Variants in HECTD4 observed in about 807,000 individuals in gnomAD.
HECTD4 encodes the protein probable E3 ubiquitin-protein ligase HECTD4.
In HECTD4, 114 loss-of-function variants were observed where a neutral mutation model predicts 471.5. The observed-to-expected ratio is 0.24, with a 90% CI of 0.21 to 0.28. The LOEUF (loss-of-function observed/expected upper bound fraction) is 0.28, where lower values mean the gene tolerates loss of function less well. Ranked by LOEUF, HECTD4 falls within the 10% of genes least tolerant of loss-of-function variation. The pLI, the probability that HECTD4 is intolerant of heterozygous loss-of-function variation, is 1.00. For synonymous variants in HECTD4, 2,012 were observed against 2,256.0 expected, an observed-to-expected ratio of 0.89 and a Z score of 3.07; for missense variants, 3,866 against 5,651.5, an observed-to-expected ratio of 0.68 and a Z score of 10.13.
chr12:112,327,471 C>T (rs1416068380), intron 1 of HECTD4, among the ~76,000 whole-genome samples: 2 of 151,870 alleles, frequency 1.3e-5, no homozygotes, highest in Non-Finnish European at 2.9e-5. Flanking sequence ...ATAAAAATTG[C>T]ATATGCCCTC....
intron 38 of HECTD4, among the ~76,000 whole-genome samples, chr12:112,232,632 A>T (rs916972740): frequency 1.3e-5 from 2 of 152,020 alleles, no homozygotes; most frequent in Non-Finnish European, 2.9e-5. Context: ...ATATTTTTAT[A>T]TTTTTAATAA....
chr12:112,250,129 T>C lies in HECTD4; in HGVS notation c.3950+15A>G. ...TTTCCCATTGGGAAAAGTAAAACACTACACAGCAACATACTTTATACTTGG... is the reference window on the plus strand; with the variant it reads ...TTTCCCATTGGGAAAAGTAAAACACCACACAGCAACATACTTTATACTTGG... On this transcript the variant is annotated intron_variant, in intron 25 of 75. Transcript: ENST00000682272. 1 of 1,585,450 alleles carries C rather than the reference T, an allele frequency of 6.3e-7. No homozygotes were observed. The highest frequency in any genetic ancestry group is 2.2e-5 in the East Asian group (1 of 44,726).
At chr12:112,197,477 A>T (rs2032281070) in intron 55 of HECTD4, among the ~76,000 whole-genome samples, 1 of 152,200 alleles carries the variant, frequency 6.6e-6, no homozygotes, top group Non-Finnish European at 1.5e-5. Flanking sequence ...ATGCACCACC[A>T]AGCCCAGCTA....
chr12:112,377,026 C>G (rs1190309882), intron 1 of HECTD4, among the ~76,000 whole-genome samples: 4 of 152,140 alleles, frequency 2.6e-5, no homozygotes, highest in African/African-American at 9.7e-5. Flanking sequence ...GCTGGAGAAT[C>G]GCCTCAACCC....
chr12:112,329,938 C>A (rs1566114135), intron 1 of HECTD4, among the ~76,000 whole-genome samples: 1 of 151,650 alleles, frequency 6.6e-6, no homozygotes, highest in Non-Finnish European at 1.5e-5. Flanking sequence ...ATAGTGAGAC[C>A]CCATCTCTAC....
rs1439449871 is a variant in HECTD4, at chr12:112,184,904, G to A, written c.10062C>T (p.Phe3354=). The change falls in exon 61 of 76, where the codon TTC becomes TTT. Residue 3354 remains phenylalanine, a synonymous_variant. Transcript: ENST00000682272. This position sits in a 1 kb window ranked among gnomAD's most constrained non-coding sequence, Gnocchi z 9.1. ...TGATGAGCAGGGTGAGTGCGCGGTG[G>A]AACCACAGCATGTCCTCGGGCTTGC... is the stretch of plus-strand genomic sequence containing the variant. The part of the protein sequence containing the change: ...GGSKPEDMLW[F]HRALTLLIIL... 4 of 1,613,294 alleles carry A rather than the reference G, an allele frequency of 2.5e-6. No individual in the cohort carries two copies. The highest frequency in any genetic ancestry group is 3.4e-6 in the Non-Finnish European group (4 of 1,179,474).
At chr12:112,219,723 C>T (rs1353257165) in intron 44 of HECTD4, 1 of 322,180 alleles carries the variant, frequency 3.1e-6, no homozygotes, top group East Asian at 5.6e-5. Context: ...CCTTAGCCTC[C>T]CAAGTAGCTG....
intron 66 of HECTD4, among the ~76,000 whole-genome samples, chr12:112,174,020 C>T (rs1239752814): frequency 3.3e-5 from 5 of 151,406 alleles, no homozygotes; most frequent in African/African-American, 1.2e-4. Context: ...TCTTGTTGCC[C>T]AGGCTAGAGT....
At chr12:112,256,128 G>C (rs147134405) in intron 21 of HECTD4, among the ~76,000 whole-genome samples, 192 bp downstream of exon 21, 1 of 152,330 alleles carries the variant, frequency 6.6e-6, no homozygotes, top group Admixed American at 6.5e-5. Flanking sequence ...TTAGACTGCA[G>C]AGGTGGTGTT....
At chr12:112,203,901 A>G in intron 53 of HECTD4, 129 bp from the exon 54 acceptor site, 1 of 519,878 alleles carries the variant, frequency 1.9e-6, no homozygotes, top group Non-Finnish European at 3.1e-6. Flanking sequence ...AAATAGCTCT[A>G]CGGGCTTTAA....
At chr12:112,252,365 T>C (rs2033910736) in intron 23 of HECTD4, 59 bp downstream of exon 23, 1 of 1,489,996 alleles carries the variant, frequency 6.7e-7, no homozygotes, top group East Asian at 2.5e-5. Flanking sequence ...ATGCTGTATG[T>C]AATCAAGGCA....
At chr12:112,244,137 A>G in intron 29 of HECTD4, 128 bp from the exon 30 acceptor site, 1 of 789,968 alleles carries the variant, frequency 1.3e-6, no homozygotes, top group Non-Finnish European at 2.0e-6. Context: ...CAATCTAGCT[A>G]GCACAGCATA....
chr12:112,325,843 A>T (rs2035731594), intron 1 of HECTD4, among the ~76,000 whole-genome samples: 1 of 144,952 alleles, frequency 6.9e-6, no homozygotes, highest in African/African-American at 2.5e-5. Context: ...AGACAGGTTG[A>T]CTCCAGCAGC....
At chr12:112,207,786 G>C in intron 52 of HECTD4, 88 bp downstream of exon 52, 4 of 1,459,150 alleles carry the variant, frequency 2.7e-6, no homozygotes, top group Non-Finnish European at 3.8e-6. Context: ...CATTAGATGA[G>C]TCTCTCCTGA....
chr12:112,200,914 T>TGTGTGTG, intron 54 of HECTD4, 116 bp from the exon 55 acceptor site: 1 of 883,958 alleles, frequency 1.1e-6, no homozygotes. Context: ...TGTGTGTGTA[T>TGTGTGTG]TTTCAGTCCA....
Position 112,308,747 on chromosome 12 carries a change from G to T in HECTD4, c.1164+6C>A. The T allele has an allele frequency of 6.5e-7, 1 of 1,527,400 alleles. No individual in the cohort carries two copies. 94.6% of individuals were successfully genotyped at this position (1,527,400 alleles called of 1,614,324 possible). On this transcript the variant is annotated splice_donor_region_variant and intron_variant, in intron 6 of 75. Transcript: ENST00000682272. ...TGTTTTAAAAATGCCTTGGTTTTCT[G>T]TTTACCTGAAGGGTGTTCTGGTCAA... is the stretch of plus-strand genomic sequence containing the variant.
chr12:112,267,083 G>T (rs532426784), intron 13 of HECTD4, 101 bp from the exon 14 acceptor site: 36 of 705,866 alleles, frequency 5.1e-5, no homozygotes, highest in South Asian at 1.5e-4. Context: ...AATTGGATGT[G>T]AGGGCAATCT....
At chr12:112,233,214 CTTTTTTTTTTT>C (rs546999938) in intron 37 of HECTD4, 129 bp from the exon 38 acceptor site, 68 of 235,704 alleles carry the variant, frequency 2.9e-4, no homozygotes, top group South Asian at 1.9e-3. Flanking sequence ...CTAACATTAG[CTTTTTTTTTTT>C]TTTTTTTTTT....
intron 1 of HECTD4, among the ~76,000 whole-genome samples, chr12:112,350,554 G>A (rs2036233024): frequency 6.6e-6 from 1 of 152,138 alleles, no homozygotes; most frequent in South Asian, 2.1e-4. Context: ...TGAAGCCAAT[G>A]AAGTCAAACA....
Sources: allele counts gnomAD v4.1 joint callset (sites outside exome capture counted in the v4.1 genomes callset), GRCh38; gene constraint gnomAD v4.1.1; non-coding constraint Gnocchi (gnomAD v3.1); transcripts MANE v1.5; gene names NCBI Gene and HGNC (gene_info 2026-07-23, HGNC 2026-07-21).